ARHGEF18: variants seen among roughly 807,000 people sequenced by gnomAD.
The protein encoded by ARHGEF18 is rho guanine nucleotide exchange factor 18.
In ARHGEF18, 93 loss-of-function variants were observed where a neutral mutation model predicts 155.7. The ratio of observed to expected loss-of-function variants is 0.60; its 90% CI spans 0.50 to 0.71. The LOEUF (loss-of-function observed/expected upper bound fraction) is 0.71. Among genes scored for constraint, ARHGEF18 ranks in the 30% least tolerant of loss-of-function variants. The pLI, the probability that ARHGEF18 is intolerant of heterozygous loss-of-function variation, is 0.00. For missense variants in ARHGEF18, 1,593 were observed against 1,816.1 expected (o/e 0.88, Z 2.23); for synonymous variants, 742 against 753.1 (o/e 0.99, Z 0.24).
At chr19:7,358,848 A>G (rs1438287585) in intron 1 of ARHGEF18, among the ~76,000 whole-genome samples, 2 of 152,332 alleles carry the variant, frequency 1.3e-5, no homozygotes, top group South Asian at 2.1e-4. Flanking sequence ...GCTTAGCACT[A>G]AGCCAGACAT....
chr19:7,361,574 A>G (rs1206474631), intron 1 of ARHGEF18, among the ~76,000 whole-genome samples: 2 of 152,214 alleles, frequency 1.3e-5, no homozygotes, highest in African/African-American at 2.4e-5. Context: ...TCTGTATGCA[A>G]TTGTTCATGG....
chr19:7,353,544 T>C (rs1448729378), intron 1 of ARHGEF18, among the ~76,000 whole-genome samples: 1 of 145,910 alleles, frequency 6.9e-6, no homozygotes, highest in Non-Finnish European at 1.5e-5. Flanking sequence ...GAGCCGAGAT[T>C]GCGCCATTGC....
At chr19:7,450,010 C>G (rs1247594917) in intron 15 of ARHGEF18, among the ~76,000 whole-genome samples, 1 of 152,092 alleles carries the variant, frequency 6.6e-6, no homozygotes, top group Non-Finnish European at 1.5e-5. Context: ...GCAGGTGATC[C>G]CTGCGTTCAG....
intron 10 of ARHGEF18, among the ~76,000 whole-genome samples, chr19:7,389,933 A>C (rs562563154): frequency 6.6e-6 from 1 of 152,224 alleles, no homozygotes; most frequent in Non-Finnish European, 1.5e-5. Context: ...CGGGCGCGGA[A>C]GCTCACTCCT....
downstream of ARHGEF18, among the ~76,000 whole-genome samples, chr19:7,474,754 A>AGT (rs3219570): frequency 0.073 from 10,294 of 141,966 alleles, 371 homozygotes; most frequent in Admixed American, 0.083. Context: ...TGGGCATTGG[A>AGT]GTGTGTGTGT....
At position 7,458,621 on chromosome 19, in the gene ARHGEF18, A is replaced by C; in HGVS notation, c.2291A>C (p.Tyr764Ser). The stretch of plus-strand genomic sequence containing the variant: ...GCCTCCTTGCAAGGGCCGGAGATGT[A>C]TGAAATCTACACGAGCTCCAAAGAG... ...ISASLQGPEM[Y>S]EIYTSSKEDR... is the part of the protein sequence containing the mutation. The change falls in exon 19 of 29, where the codon TAT becomes TCT. Residue 764 changes from tyrosine to serine, a missense_variant. Tyr to Ser is a moderately radical substitution (Grantham distance 144). Coordinates refer to ENST00000668164, the MANE Select transcript of ARHGEF18 (RefSeq NM_001367823.1). The C allele has an allele frequency of 6.2e-7, 1 of 1,613,676 alleles. No individual in the cohort carries two copies. Among genetic ancestry groups the C allele is most frequent in the Admixed American group, 1.7e-5 (1 of 59,980 alleles).
chr19:7,444,577 C>CGCT lies in ARHGEF18; in HGVS notation c.1611+123_1611+124insGCT. 3 of 1,374,576 alleles carry CGCT rather than the reference C, an allele frequency of 2.2e-6. No homozygotes were observed. In the Admixed American group the frequency reaches 7.0e-5, roughly 32 times the overall value. 85.1% of individuals were successfully genotyped at this position (1,374,576 alleles called of 1,614,324 possible). On this transcript the variant is annotated intron_variant, in intron 14 of 28. Transcript: ENST00000668164. The surrounding 1 kb of genome is among the most constrained non-coding windows in gnomAD (Gnocchi z 4.7). Reference sequence around the variant, plus strand: ...CCAGGCTGGAGTGCAGTGGTGCAGTCACAGCTCAATGCAGCCTCAACCTCT... The same window carrying CGCT: ...CCAGGCTGGAGTGCAGTGGTGCAGTCGCTACAGCTCAATGCAGCCTCAACCTCT...
intron 25 of ARHGEF18, 34 bp from the exon 26 acceptor site, chr19:7,467,180 C>T (rs369149365): frequency 3.2e-6 from 5 of 1,577,946 alleles, no homozygotes; most frequent in Non-Finnish European, 2.6e-6. Context: ...GGCGCAGGTG[C>T]GGCTCTCACT....
intron 10 of ARHGEF18, among the ~76,000 whole-genome samples, chr19:7,428,663 C>T (rs1017949119): frequency 1.3e-5 from 2 of 151,980 alleles, no homozygotes; most frequent in Non-Finnish European, 2.9e-5. Flanking sequence ...GCTATGACCA[C>T]GCCACTGCAC....
At chr19:7,358,883 T>C (rs1374283778) in intron 1 of ARHGEF18, among the ~76,000 whole-genome samples, 1 of 152,168 alleles carries the variant, frequency 6.6e-6, no homozygotes, top group African/African-American at 2.4e-5. Flanking sequence ...ATACAAGATT[T>C]TACCTTTTGG....
chr19:7,362,000 A>AGAAGAAGAAGAG lies in ARHGEF18; in HGVS notation c.-110-770_-110-769insGGAAGAAGAAGA, dbSNP rs1179596115. On this transcript the variant is annotated intron_variant, in intron 1 of 28. Transcript: ENST00000668164. Reference sequence around the variant, plus strand: ...CAGAGCAAGACTCTGTGGAAGAAGAAGAAGAAGAAGAAGAAGGAGAAGGAG... The same window carrying AGAAGAAGAAGAG: ...CAGAGCAAGACTCTGTGGAAGAAGAAGAAGAAGAAGAGGAAGAAGAAGAAGAAGGAGAAGGAG... Among the ~76,000 whole-genome samples the AGAAGAAGAAGAG allele has an allele frequency of 7.9e-3, 386 of 48,640 alleles. 52 individuals carry two copies. Among genetic ancestry groups the AGAAGAAGAAGAG allele is most frequent in the Middle Eastern group, 0.041 (4 of 98 alleles). The allele number at this position is 48,640 out of a possible 152,430, so 31.9% of individuals were successfully genotyped here.
At position 7,375,852 on chromosome 19, in the gene ARHGEF18, C is replaced by T. The variant is rs1025280; in HGVS notation, c.408C>T (p.Pro136=). The change falls in exon 4 of 29, where the codon CCC becomes CCT. Residue 136 remains proline (P), a synonymous_variant. Coordinates refer to ENST00000668164, the MANE Select transcript of ARHGEF18 (RefSeq NM_001367823.1). ...GGTGTCTCTCTGGGGGCGGGACCCC[C>T]GCAGAGAGCCCAGGCAAGGTGGGTA... is the stretch of plus-strand genomic sequence containing the variant. ...TQGCLSGGGT[P]AESPGKECDS... is the part of the protein sequence containing the mutation. 3,438 of 1,234,418 alleles carry T rather than the reference C, an allele frequency of 2.8e-3. 137 individuals are homozygous for T. The East Asian group carries it at 0.082, about 29-fold the overall frequency. The allele number at this position is 1,234,418 out of a possible 1,614,324, so 76.5% of individuals were successfully genotyped here.
At chr19:7,389,132 C>T (rs1971247290) in intron 10 of ARHGEF18, among the ~76,000 whole-genome samples, 2 of 149,462 alleles carry the variant, frequency 1.3e-5, no homozygotes, top group South Asian at 4.3e-4. Flanking sequence ...ACTACAGTCT[C>T]GTAGCACCAC....
intron 10 of ARHGEF18, among the ~76,000 whole-genome samples, chr19:7,402,479 A>G (rs577552014): frequency 7.4e-4 from 113 of 152,290 alleles, no homozygotes; most frequent in South Asian, 1.5e-3. Context: ...AACTCTGTGA[A>G]CATACTAAGA....
chr19:7,450,659 T>C (rs1975349399), intron 15 of ARHGEF18, among the ~76,000 whole-genome samples: 2 of 152,306 alleles, frequency 1.3e-5, no homozygotes, highest in Non-Finnish European at 2.9e-5. Flanking sequence ...GGGATCTTGC[T>C]GTCCATTTCC....
downstream of ARHGEF18, among the ~76,000 whole-genome samples, chr19:7,475,525 A>AAAC (rs1977208325): frequency 6.7e-6 from 1 of 150,342 alleles, no homozygotes; most frequent in South Asian, 2.2e-4. Context: ...AAACTGTTTA[A>AAAC]ACACACACAC....
intron 20 of ARHGEF18, among the ~76,000 whole-genome samples, chr19:7,461,787 C>T (rs1265492926): frequency 6.6e-6 from 1 of 152,096 alleles, no homozygotes; most frequent in Non-Finnish European, 1.5e-5. Flanking sequence ...GATCCTCCTG[C>T]CTCATTTCCC....
At chr19:7,351,555 C>T (rs967358201) in intron 1 of ARHGEF18, among the ~76,000 whole-genome samples, 1 of 151,270 alleles carries the variant, frequency 6.6e-6, no homozygotes, top group African/African-American at 2.4e-5. Flanking sequence ...GATCTCCTGA[C>T]CTTGTGATCC....
Position 7,463,422 on chromosome 19 carries a change from G to T in ARHGEF18, c.2636-396G>T, listed in dbSNP as rs1488695132. Among the ~76,000 whole-genome samples, 1 of 152,122 alleles carries T rather than the reference G, an allele frequency of 6.6e-6. No homozygotes were observed. The highest frequency in any genetic ancestry group is 1.5e-5 in the Non-Finnish European group (1 of 68,022). On this transcript the variant is annotated intron_variant, in intron 21 of 28. Coordinates refer to ENST00000668164, the MANE Select transcript of ARHGEF18 (RefSeq NM_001367823.1). This position sits in a 1 kb window ranked among gnomAD's most constrained non-coding sequence, Gnocchi z 5.2. ...CCCCACAAAGTCACTCTCCCATATG[G>T]CCATTGTCACACAATCAGTGTATGG... is the stretch of plus-strand genomic sequence containing the variant.
Sources: gnomAD v4.1 joint callset for allele counts (sites outside exome capture counted in the v4.1 genomes callset) on GRCh38, gnomAD v4.1.1 for gene constraint, Gnocchi (gnomAD v3.1) non-coding constraint, MANE v1.5 for transcripts, NCBI Gene and HGNC (gene_info 2026-07-23, HGNC 2026-07-21) for gene names.